SYT7: variants seen among roughly 807,000 people sequenced by gnomAD.
SYT7 encodes synaptotagmin-7.
In SYT7, 29 loss-of-function variants were observed where a neutral mutation model predicts 75.1. The observed-to-expected ratio is 0.39, with a 90% CI of 0.29 to 0.53. The LOEUF (loss-of-function observed/expected upper bound fraction) is 0.53, where lower values mean the gene tolerates loss of function less well. Among genes scored for constraint, SYT7 ranks in the 20% least tolerant of loss-of-function variants. SYT7 has a pLI of 0.77. For synonymous variants in SYT7, 376 were observed against 401.7 expected (o/e 0.94, Z 0.76); for missense variants, 693 against 953.2 (o/e 0.73, Z 3.59).
chr11:61,530,298 C>A (rs1439728311), intron 8 of SYT7, among the ~76,000 whole-genome samples: 1 of 152,230 alleles, frequency 6.6e-6, no homozygotes, highest in African/African-American at 2.4e-5. Flanking sequence ...TGCCTTACAG[C>A]AGAAGATGTT....
chr11:61,575,600 C>G (rs147725433), intron 1 of SYT7, among the ~76,000 whole-genome samples: 28 of 152,338 alleles, frequency 1.8e-4, no homozygotes, highest in Non-Finnish European at 4.0e-4. Flanking sequence ...TCCGAGCAGA[C>G]GAGGCCTTCA....
At position 61,576,704 on chromosome 11, in the gene SYT7, G is replaced by A. The variant is rs947516089; in HGVS notation, c.31+4086C>T. 6.6e-6 allele frequency among the ~76,000 whole-genome samples: 1 copy of A among 152,026 alleles called. No individual in the cohort carries two copies. Among genetic ancestry groups the A allele is most frequent in the Non-Finnish European group, 1.5e-5 (1 of 67,966 alleles). On this transcript the variant is annotated intron_variant, in intron 1 of 12. Coordinates refer to ENST00000539008, the MANE Select transcript of SYT7 (RefSeq NM_001365809.2). This position sits in a 1 kb window ranked among gnomAD's most constrained non-coding sequence, Gnocchi z 4.1. ...GGATTCAAAGTCCGTGAGAGAATAG[G>A]GGGTGGGTGGGGAGTAGGATGGGGG...
intron 4 of SYT7, 29 bp downstream of exon 4, chr11:61,547,148 A>G: frequency 6.5e-7 from 1 of 1,534,260 alleles, no homozygotes; most frequent in Non-Finnish European, 8.7e-7. Flanking sequence ...TACTCGGTAC[A>G]TATGATCAAA....
Position 61,538,209 on chromosome 11 carries a change from A to G in SYT7, c.999T>C (p.Phe333=). 6.5e-7 allele frequency: 1 copy of G among 1,536,018 alleles called. No homozygotes were observed. The highest frequency in any genetic ancestry group is 2.4e-5 in the East Asian group (1 of 40,890). ...LVLGLSEQDD[F]ANIPDLQNPG... ...GGTTTTGCAGGTCAGGGATATTGGC[A>G]AAGTCATCCTGTTCCGAAAGCCCTA... Residue 333 remains phenylalanine, a synonymous_variant, in exon 7 of 13, where the codon TTT becomes TTC. Coordinates refer to ENST00000539008, the MANE Select transcript of SYT7 (RefSeq NM_001365809.2).
rs568133606 is a variant in SYT7 at position 61,548,671 on chromosome 11, A to G, written c.216-1363T>C. On this transcript the variant is annotated intron_variant, in intron 3 of 12. Transcript: ENST00000539008. ...TGGGGAAGGGTGCCAGCGGGGGCAC[A>G]CCCCACCCCCCAGGATCAAGCAAAC... Among the ~76,000 whole-genome samples the G allele has an allele frequency of 4.3e-4, 66 of 152,138 alleles. No individual in the cohort carries two copies. The South Asian group carries it at 0.013, about 31-fold the overall frequency.
chr11:61,551,302 T>G lies in SYT7; in HGVS notation c.215+82A>C. 4 of 1,311,842 alleles carry G rather than the reference T, an allele frequency of 3.0e-6. No homozygotes were observed. The highest frequency in any genetic ancestry group is 4.4e-6 in the Non-Finnish European group (4 of 915,076). 81.3% of individuals were successfully genotyped at this position (1,311,842 alleles called of 1,614,324 possible). A position where few individuals can be genotyped will look rare whatever the true frequency, so the allele number is the denominator to read the frequency against. On this transcript the variant is annotated intron_variant, in intron 3 of 12. Transcript: ENST00000539008. This position sits in a 1 kb window ranked among gnomAD's most constrained non-coding sequence, Gnocchi z 5.3. ...GGAAGTGAAAGTGTGTGGTCAGGTC[T>G]GTGGGGCTGGGGGAGAGAAGGGGCT...
chr11:61,523,877 T>C lies in SYT7; in HGVS notation c.1706A>G (p.Asn569Ser), dbSNP rs770274366. The change falls in exon 11 of 13, where the codon AAC becomes AGC. Residue 569 changes from asparagine (N) to serine (S), a missense_variant. Physicochemically the swap from Asn to Ser is conservative, Grantham distance 46. Coordinates refer to ENST00000539008, the MANE Select transcript of SYT7 (RefSeq NM_001365809.2). This position sits in a 1 kb window ranked among gnomAD's most constrained non-coding sequence, Gnocchi z 5.0. ...YNPSANSIIVNIIKARNLKAM... is the reference protein window; with the variant it reads ...YNPSANSIIVSIIKARNLKAM... ...TTTGAGGTTCCGGGCTTTGATGATGTTCACGATGATGGAGTTGGCAGAGGG... is the reference window on the plus strand; with the variant it reads ...TTTGAGGTTCCGGGCTTTGATGATGCTCACGATGATGGAGTTGGCAGAGGG... 6.2e-7 allele frequency: 1 copy of C among 1,613,980 alleles called. No individual in the cohort carries two copies. The highest frequency in any genetic ancestry group is 8.5e-7 in the Non-Finnish European group (1 of 1,179,962).
chr11:61,556,859 T>G (rs2063513769), intron 1 of SYT7, among the ~76,000 whole-genome samples: 1 of 152,128 alleles, frequency 6.6e-6, no homozygotes, highest in African/African-American at 2.4e-5. Flanking sequence ...CACTGGCCTC[T>G]GCACATTCCT....
In SYT7 at chr11:61,524,303, C is replaced by T; in HGVS notation, c.1641+60G>A. 6.3e-7 allele frequency: 1 copy of T among 1,589,670 alleles called. No homozygotes were observed. The highest frequency in any genetic ancestry group is 8.6e-7 in the Non-Finnish European group (1 of 1,166,044). On this transcript the variant is annotated intron_variant, in intron 10 of 12. Transcript: ENST00000539008. This position sits in a 1 kb window ranked among gnomAD's most constrained non-coding sequence, Gnocchi z 4.1. ...TCCTAAGGTTGACAAGGGTCTGGGA[C>T]CAGATCTCCCAGCCCTGCCCTGCTG...
At chr11:61,532,276 T>C (rs2062735715) in intron 8 of SYT7, among the ~76,000 whole-genome samples, 1 of 152,144 alleles carries the variant, frequency 6.6e-6, no homozygotes, top group Admixed American at 6.5e-5. Flanking sequence ...TCCCCAGTTT[T>C]CTCCCTCCAG....
upstream of SYT7, among the ~76,000 whole-genome samples, chr11:61,584,879 C>T (rs535771195): frequency 3.3e-5 from 5 of 152,344 alleles, no homozygotes; most frequent in South Asian, 1.0e-3. Context: ...CCTTCCAGCC[C>T]CTACAGAAGG....
Position 61,551,860 on chromosome 11 carries a change from G to C in SYT7, c.136-397C>G, listed in dbSNP as rs1049121275. On this transcript the variant is annotated intron_variant, in intron 2 of 12. Coordinates refer to ENST00000539008, the MANE Select transcript of SYT7 (RefSeq NM_001365809.2). This position sits in a 1 kb window ranked among gnomAD's most constrained non-coding sequence, Gnocchi z 5.3. ...ACGTCACCGCCCCCAGATGGTGGGGGTGGCATCCTGCAGGGCAAGGTTGGC... is the reference window on the plus strand; with the variant it reads ...ACGTCACCGCCCCCAGATGGTGGGGCTGGCATCCTGCAGGGCAAGGTTGGC... Among the ~76,000 whole-genome samples, 1 of 152,178 alleles carries C rather than the reference G, an allele frequency of 6.6e-6. No individual in the cohort carries two copies. Among genetic ancestry groups the C allele is most frequent in the African/African-American group, 2.4e-5 (1 of 41,448 alleles).
chr11:61,560,369 C>T (rs1399993475), intron 1 of SYT7, among the ~76,000 whole-genome samples: 1 of 152,138 alleles, frequency 6.6e-6, no homozygotes, highest in Non-Finnish European at 1.5e-5. Context: ...CTGTTCCTGT[C>T]TGTGTTCTTG....
In SYT7 at chr11:61,556,225, A is replaced by G; in HGVS notation, c.32-18T>C. On this transcript the variant is annotated intron_variant, in intron 1 of 12. Transcript: ENST00000539008. ...GGGCGCCCCTGGGGAGGACAGGTACAGGTCACACCCTCATTGGCCAGGGCC... is the reference window on the plus strand; with the variant it reads ...GGGCGCCCCTGGGGAGGACAGGTACGGGTCACACCCTCATTGGCCAGGGCC... 1.2e-6 allele frequency: 2 copies of G among 1,604,938 alleles called. No homozygotes were observed. The highest frequency in any genetic ancestry group is 1.7e-6 in the Non-Finnish European group (2 of 1,174,896).
intron 1 of SYT7, among the ~76,000 whole-genome samples, chr11:61,577,376 T>C (rs1267900416): frequency 6.6e-6 from 1 of 152,166 alleles, no homozygotes; most frequent in African/African-American, 2.4e-5. Flanking sequence ...GGGGCAGGCT[T>C]TGGGGAGGTA....
the SYT7 span, among the ~76,000 whole-genome samples, chr11:61,586,826 AC>A: frequency 6.6e-6 from 1 of 151,702 alleles, no homozygotes; most frequent in Non-Finnish European, 1.5e-5. Flanking sequence ...GTCTATCCAC[AC>A]CTTTTCTCCC....
intron 5 of SYT7, among the ~76,000 whole-genome samples, chr11:61,545,406 G>A (rs1371994727): frequency 6.6e-6 from 1 of 152,264 alleles, no homozygotes; most frequent in African/African-American, 2.4e-5. Flanking sequence ...GACCAAGACT[G>A]GGACAGCCAA....
chr11:61,540,553 G>A (rs2063011224), intron 6 of SYT7: 4 of 985,554 alleles, frequency 4.1e-6, no homozygotes, highest in Non-Finnish European at 3.6e-6. Context: ...AGGGGGACAT[G>A]AGACTTGTCC....
intron 9 of SYT7, among the ~76,000 whole-genome samples, chr11:61,525,410 C>T (rs547959725): frequency 2.0e-5 from 3 of 152,166 alleles, no homozygotes; most frequent in Admixed American, 2.0e-4. Flanking sequence ...TGACTGGGCT[C>T]CAGCCACATC....
Sources: gnomAD v4.1 joint callset for allele counts (sites outside exome capture counted in the v4.1 genomes callset) on GRCh38, gnomAD v4.1.1 for gene constraint, Gnocchi (gnomAD v3.1) non-coding constraint, MANE v1.5 for transcripts, NCBI Gene and HGNC (gene_info 2026-07-23, HGNC 2026-07-21) for gene names.